The following FRMD4B variants were observed in gnomAD, a reference collection of about 807,000 sequenced individuals.
FRMD4B encodes FERM domain containing 4B.
A neutral mutation model predicts 141.5 loss-of-function variants in FRMD4B; 74 were observed. The ratio of observed to expected loss-of-function variants is 0.52; its 90% CI spans 0.43 to 0.63. FRMD4B has a LOEUF of 0.63. FRMD4B is among the 30% of genes least tolerant of loss of function. The pLI is 0.00. For synonymous variants in FRMD4B, 506 were observed against 467.9 expected (o/e 1.08, Z -1.05); for missense variants, 1,366 against 1,253.4 (o/e 1.09, Z -1.36).
chr3:69,482,340 C>A (rs1407680776), intron 1 of FRMD4B, among the ~76,000 whole-genome samples: 1 of 152,116 alleles, frequency 6.6e-6, no homozygotes, highest in Admixed American at 6.5e-5. Context: ...ACTTAGTAAA[C>A]TAAGTTGGGA....
chr3:69,337,842 C>G (rs1002256350), intron 1 of FRMD4B, among the ~76,000 whole-genome samples: 2 of 152,182 alleles, frequency 1.3e-5, no homozygotes, highest in Admixed American at 1.3e-4. Context: ...AATAGGAACA[C>G]TTTGACACTG....
chr3:69,400,497 C>T (rs984474854), intron 2 of FRMD4B, among the ~76,000 whole-genome samples: 2 of 152,110 alleles, frequency 1.3e-5, no homozygotes, highest in Non-Finnish European at 2.9e-5. Flanking sequence ...AAGGAAGAAG[C>T]CTGGAGGAAA....
rs1056385548 is a variant in FRMD4B at position 69,475,354 on chromosome 3, C to A, written c.-128-42593G>T. On this transcript the variant is annotated intron_variant, in intron 1 of 5. Coordinates refer to the FRMD4B transcript ENST00000459638. ...TATATCTCCTAATGCTATCCCTCCC[C>A]CTTCCCCCCACCCCACAACAGTCCC... Among the ~76,000 whole-genome samples, 158 of 151,856 alleles carry A rather than the reference C, an allele frequency of 1.0e-3. 1 individual carries two copies. The highest frequency in any genetic ancestry group is 6.8e-3 in the Middle Eastern group (2 of 294).
chr3:69,306,643 A>C (rs1044977626), intron 3 of FRMD4B: 1 of 152,192 alleles, frequency 6.6e-6, no homozygotes, highest in African/African-American at 2.4e-5. Context: ...CAGTAACGTG[A>C]CCTTGAATCT....
intron 1 of FRMD4B, among the ~76,000 whole-genome samples, chr3:69,433,569 C>T (rs747228824): frequency 3.3e-5 from 5 of 152,208 alleles, no homozygotes; most frequent in Non-Finnish European, 7.3e-5. Context: ...CATCTAGGTG[C>T]AAGATGGCAC....
intron 2 of FRMD4B, among the ~76,000 whole-genome samples, chr3:69,403,302 C>T (rs1052281176): frequency 3.4e-4 from 52 of 152,300 alleles, no homozygotes; most frequent in East Asian, 1.9e-4. Flanking sequence ...CCCACCAAGC[C>T]ATGTTAATGT....
intron 5 of FRMD4B, among the ~76,000 whole-genome samples, chr3:69,285,397 C>CA (rs56161837): frequency 0.39 from 38,184 of 98,574 alleles, 6,134 homozygotes; most frequent in East Asian, 0.55. Flanking sequence ...TACATGAGGC[C>CA]AAAAAAAAAA....
intron 5 of FRMD4B, among the ~76,000 whole-genome samples, chr3:69,284,446 A>G (rs909933869): frequency 3.9e-5 from 6 of 152,174 alleles, no homozygotes; most frequent in Non-Finnish European, 8.8e-5. Context: ...GGCATTGAAT[A>G]GAGTACTCAG....
intron 12 of FRMD4B, chr3:69,198,410 A>G: frequency 2.7e-6 from 1 of 371,420 alleles, no homozygotes. Context: ...GGCATAAACT[A>G]TACATGCACA....
chr3:69,538,803 G>A (rs911610923), intron 1 of FRMD4B, among the ~76,000 whole-genome samples: 18 of 151,938 alleles, frequency 1.2e-4, no homozygotes, highest in East Asian at 1.9e-4. Flanking sequence ...GACTGCCCAC[G>A]GCACATATTT....
chr3:69,231,583 C>T (rs984701077), intron 7 of FRMD4B, among the ~76,000 whole-genome samples: 8 of 152,214 alleles, frequency 5.3e-5, no homozygotes, highest in South Asian at 2.1e-4. Flanking sequence ...CCACTGTGCC[C>T]GGCCCAGCTG....
intron 2 of FRMD4B, among the ~76,000 whole-genome samples, chr3:69,391,978 G>A (rs1704392214): frequency 6.6e-6 from 1 of 152,214 alleles, no homozygotes. Flanking sequence ...CTGGGAAAGG[G>A]TCTTATTCAT....
chr3:69,394,724 T>TCACACA (rs1344904072), intron 2 of FRMD4B, among the ~76,000 whole-genome samples: 2 of 152,216 alleles, frequency 1.3e-5, no homozygotes, highest in Non-Finnish European at 2.9e-5. Flanking sequence ...ACACATATGT[T>TCACACA]TATTGCAGTA....
At chr3:69,451,121 G>A (rs150628364) in intron 1 of FRMD4B, among the ~76,000 whole-genome samples, 2 of 152,244 alleles carry the variant, frequency 1.3e-5, no homozygotes, top group African/African-American at 4.8e-5. Flanking sequence ...GAACCAGCAG[G>A]GCCCCAGGGA....
rs79854853 is a variant in FRMD4B, at chr3:69,367,033, T to C, written c.162+18795A>G. Among the ~76,000 whole-genome samples, 31 of 152,218 alleles carry C rather than the reference T, an allele frequency of 2.0e-4. No individual in the cohort carries two copies. The East Asian group carries it at 3.3e-3, about 16-fold the overall frequency. Reference sequence around the variant, plus strand: ...CCACCCATCTCAACCTCCCAAAGTGTTGGGTTTACAGGTATGAGCCACCGT... The same window carrying C: ...CCACCCATCTCAACCTCCCAAAGTGCTGGGTTTACAGGTATGAGCCACCGT... On this transcript the variant is annotated intron_variant, in intron 1 of 22. Transcript: ENST00000398540.
chr3:69,295,880 G>T (rs1226499598), intron 4 of FRMD4B, among the ~76,000 whole-genome samples: 3 of 152,024 alleles, frequency 2.0e-5, no homozygotes. Context: ...GCAATGGCGT[G>T]ATCTTGGCTC....
At chr3:69,362,282 A>G (rs1703492142) in intron 1 of FRMD4B, among the ~76,000 whole-genome samples, 1 of 152,184 alleles carries the variant, frequency 6.6e-6, no homozygotes. Flanking sequence ...AATAACTTAC[A>G]TGAAATCACA....
intron 17 of FRMD4B, among the ~76,000 whole-genome samples, chr3:69,191,049 T>C (rs2092830193): frequency 6.6e-6 from 1 of 152,202 alleles, no homozygotes. Context: ...TTAGCTAGAC[T>C]TAAATCTTTA....
At chr3:69,397,673 A>G (rs1053145686) in intron 2 of FRMD4B, among the ~76,000 whole-genome samples, 3 of 152,216 alleles carry the variant, frequency 2.0e-5, no homozygotes, top group Admixed American at 1.3e-4. Context: ...GCAAATCTAT[A>G]TAGATAGAAA....
Sources: allele counts gnomAD v4.1 joint callset (sites outside exome capture counted in the v4.1 genomes callset), GRCh38; gene constraint gnomAD v4.1.1; transcripts MANE v1.5; gene names NCBI Gene and HGNC (gene_info 2026-07-23, HGNC 2026-07-21).